Variants in KSR2 observed in about 807,000 individuals in gnomAD.
KSR2 encodes the protein kinase suppressor of ras 2.
A neutral mutation model predicts 107.8 loss-of-function variants in KSR2; 25 were observed. That is an observed-to-expected ratio of 0.23 (90% CI 0.17 to 0.32). The LOEUF (loss-of-function observed/expected upper bound fraction) is 0.32, where lower values mean the gene tolerates loss of function less well. Among genes scored for constraint, KSR2 ranks in the 10% least tolerant of loss-of-function variants. KSR2 has a pLI of 1.00. For missense variants in KSR2, 887 were observed against 1,268.9 expected (o/e 0.70, Z 4.57); for synonymous variants, 480 against 507.0 (o/e 0.95, Z 0.71).
At chr12:117,759,751 T>A (rs1888926896) in intron 4 of KSR2, among the ~76,000 whole-genome samples, 1 of 152,250 alleles carries the variant, frequency 6.6e-6, no homozygotes, top group Admixed American at 6.5e-5. Context: ...TCATTATGTG[T>A]CTGGCATATT....
chr12:117,567,059 G>A (rs1878541777), intron 7 of KSR2, among the ~76,000 whole-genome samples: 1 of 152,226 alleles, frequency 6.6e-6, no homozygotes, highest in Admixed American at 6.5e-5. Context: ...GGTTTAAACA[G>A]TGAACCGTCC....
intron 1 of KSR2, among the ~76,000 whole-genome samples, chr12:117,957,729 A>G (rs1944189814): frequency 6.9e-6 from 1 of 145,556 alleles, no homozygotes; most frequent in Non-Finnish European, 1.5e-5. Context: ...AACATTTATC[A>G]TGACTTAGAA....
chr12:117,662,130 G>A (rs1884458150), intron 5 of KSR2, among the ~76,000 whole-genome samples: 2 of 152,068 alleles, frequency 1.3e-5, no homozygotes, highest in South Asian at 4.2e-4. Context: ...AGCTCATTTT[G>A]GGGGAACGAA....
intron 3 of KSR2, among the ~76,000 whole-genome samples, chr12:117,799,191 A>G (rs1274205600): frequency 2.0e-5 from 3 of 152,200 alleles, no homozygotes; most frequent in Non-Finnish European, 2.9e-5. Context: ...AATGCCACTG[A>G]ATTGTAGACT....
chr12:117,582,933 T>G (rs1373273641), intron 5 of KSR2, among the ~76,000 whole-genome samples: 1 of 152,256 alleles, frequency 6.6e-6, no homozygotes, highest in Non-Finnish European at 1.5e-5. Flanking sequence ...AACTGCCAAG[T>G]TATTTATTTA....
At chr12:117,616,381 C>T (rs1020350869) in intron 5 of KSR2, among the ~76,000 whole-genome samples, 3 of 152,148 alleles carry the variant, frequency 2.0e-5, no homozygotes, top group African/African-American at 4.8e-5. Flanking sequence ...TAAGTTATTT[C>T]GCATGGCTGT....
chr12:117,557,584 C>T (rs1174793006), intron 8 of KSR2, among the ~76,000 whole-genome samples: 3 of 152,280 alleles, frequency 2.0e-5, no homozygotes, highest in African/African-American at 2.4e-5. Flanking sequence ...ATCTGGCCTA[C>T]GATGTGCAGT....
intron 4 of KSR2, among the ~76,000 whole-genome samples, chr12:117,733,133 T>C (rs1565985486): frequency 6.6e-6 from 1 of 152,164 alleles, no homozygotes; most frequent in Non-Finnish European, 1.5e-5. Flanking sequence ...GCTTAAATGA[T>C]GCATGACAGG....
chr12:117,678,605 C>T (rs1438996225), intron 4 of KSR2, among the ~76,000 whole-genome samples: 1 of 152,186 alleles, frequency 6.6e-6, no homozygotes, highest in Non-Finnish European at 1.5e-5. Context: ...TCAAACCAAG[C>T]TCCCATGACA....
chr12:117,936,991 A>G (rs2137519829), intron 1 of KSR2, among the ~76,000 whole-genome samples: 1 of 152,302 alleles, frequency 6.6e-6, no homozygotes, highest in East Asian at 1.9e-4. Context: ...ATCTGCCCCC[A>G]GCCTCAAGGT....
rs562969944 is a variant in KSR2, at chr12:117,928,951, T to C, written c.180+39125A>G. On this transcript the variant is annotated intron_variant, in intron 1 of 19. Transcript: ENST00000339824. ...TTCAATGCCAACCTTTCCCACAAGCTGACACTGTCATCTCAAAAAAGGAAG... is the reference window on the plus strand; with the variant it reads ...TTCAATGCCAACCTTTCCCACAAGCCGACACTGTCATCTCAAAAAAGGAAG... 1.2e-4 allele frequency among the ~76,000 whole-genome samples: 19 copies of C among 152,316 alleles called. No individual in the cohort carries two copies. In the South Asian group the frequency reaches 1.7e-3, roughly 13 times the overall value.
At chr12:117,511,324 T>C (rs987270275) in intron 14 of KSR2, among the ~76,000 whole-genome samples, 1 of 152,196 alleles carries the variant, frequency 6.6e-6, no homozygotes, top group Non-Finnish European at 1.5e-5. Context: ...TCTTACAAAT[T>C]TTACTTTATA....
At chr12:117,490,223 T>C (rs981596359) in intron 14 of KSR2, among the ~76,000 whole-genome samples, 1 of 152,148 alleles carries the variant, frequency 6.6e-6, no homozygotes, top group African/African-American at 2.4e-5. Context: ...AGCCATTAAT[T>C]AGATATCACA....
chr12:117,634,012 T>C (rs1882933454), intron 5 of KSR2, among the ~76,000 whole-genome samples: 1 of 152,208 alleles, frequency 6.6e-6, no homozygotes, highest in Non-Finnish European at 1.5e-5. Context: ...TGTTTTCCCA[T>C]TTCCTATCTG....
rs571796303 is a variant in KSR2 at position 117,732,582 on chromosome 12, G to A, written c.986+28429C>T. Among the ~76,000 whole-genome samples, 6 of 152,188 alleles carry A rather than the reference G, an allele frequency of 3.9e-5. No individual in the cohort carries two copies. The East Asian group carries it at 5.8e-4, about 15-fold the overall frequency. On this transcript the variant is annotated intron_variant, in intron 4 of 19. Transcript: ENST00000339824. ...TGGGATTACAGGTGTGAGCCACAGC[G>A]CCTGGCCCTGAAAATTACTGAGCAG...
intron 7 of KSR2, among the ~76,000 whole-genome samples, chr12:117,569,529 C>T (rs1436311780): frequency 6.6e-6 from 1 of 152,190 alleles, no homozygotes; most frequent in Non-Finnish European, 1.5e-5. Context: ...TCTTACCTTA[C>T]TAGGGGAACG....
intron 5 of KSR2, among the ~76,000 whole-genome samples, chr12:117,599,546 G>C (rs983928187): frequency 6.6e-6 from 1 of 152,106 alleles, no homozygotes; most frequent in Non-Finnish European, 1.5e-5. Context: ...GACATTTGGG[G>C]CTACTCCATT....
intron 4 of KSR2, among the ~76,000 whole-genome samples, chr12:117,674,555 C>T (rs1305050254): frequency 6.6e-6 from 1 of 152,158 alleles, no homozygotes; most frequent in Admixed American, 6.5e-5. Context: ...CTTTCTCGCT[C>T]TATGGATTTG....
chr12:117,822,745 G>A (rs762301980), intron 3 of KSR2, among the ~76,000 whole-genome samples: 8 of 152,204 alleles, frequency 5.3e-5, no homozygotes, highest in Non-Finnish European at 7.3e-5. Context: ...TCATGAGAGA[G>A]TAGTACCATG....
Sources: allele counts gnomAD v4.1 joint callset (sites outside exome capture counted in the v4.1 genomes callset), GRCh38; gene constraint gnomAD v4.1.1; transcripts MANE v1.5; gene names NCBI Gene and HGNC (gene_info 2026-07-23, HGNC 2026-07-21).